The following EBF3 variants were observed in gnomAD, a reference collection of about 807,000 sequenced individuals.
The protein encoded by EBF3 is transcription factor COE3.
EBF3 carries 18 observed loss-of-function variants against 77.1 expected under a neutral mutation model. That is an observed-to-expected ratio of 0.23 (90% CI 0.16 to 0.35). The LOEUF (loss-of-function observed/expected upper bound fraction) is 0.35. Among genes scored for constraint, EBF3 ranks in the 10% least tolerant of loss-of-function variants. EBF3 has a pLI of 1.00. For synonymous variants in EBF3, 350 were observed against 343.5 expected, an observed-to-expected ratio of 1.02 and a Z score of -0.21; for missense variants, 558 against 860.0, an observed-to-expected ratio of 0.65 and a Z score of 4.39.
chr10:129,911,482 C>T (rs1017960835), intron 6 of EBF3, among the ~76,000 whole-genome samples: 1 of 152,194 alleles, frequency 6.6e-6, no homozygotes, highest in Admixed American at 6.5e-5. Context: ...CCAATCACTT[C>T]CCTCTTCCAT....
intron 6 of EBF3, among the ~76,000 whole-genome samples, chr10:129,904,651 G>A (rs1251253000): frequency 6.6e-6 from 1 of 151,974 alleles, no homozygotes; most frequent in East Asian, 1.9e-4. Context: ...TGGATGGATG[G>A]ATGGATGGAG....
intron 4 of EBF3, among the ~76,000 whole-genome samples, chr10:129,959,225 G>A (rs934445987): frequency 2.7e-4 from 41 of 152,146 alleles, no homozygotes; most frequent in African/African-American, 7.9e-4. Flanking sequence ...CTCCTCCCCC[G>A]GGCGCCCGCC....
In EBF3 at chr10:129,873,553, G is replaced by A; in HGVS notation, c.680C>T (p.Ala227Val). ...GTGCACAAACATGTTGTCTGACACGGCCAGCACGTGGCCGTCCACGTTGAC... is the reference window on the plus strand; with the variant it reads ...GTGCACAAACATGTTGTCTGACACGACCAGCACGTGGCCGTCCACGTTGAC... The part of the protein sequence containing the change: ...TTVNVDGHVL[A>V]VSDNMFVHNN... Residue 227 changes from alanine (A) to valine (V), a missense_variant, in exon 8 of 17, where the codon GCC becomes GTC. This residue lies in a region of EBF3 where 112 missense variants were observed against 207.7 expected (regional missense o/e 0.54). Transcript: ENST00000440978. 6.3e-7 allele frequency: 1 copy of A among 1,581,654 alleles called. No individual in the cohort carries two copies. Among genetic ancestry groups the A allele is most frequent in the Non-Finnish European group, 8.6e-7 (1 of 1,161,274 alleles).
chr10:129,867,513 T>G (rs1468773168), intron 9 of EBF3, among the ~76,000 whole-genome samples: 1 of 152,344 alleles, frequency 6.6e-6, no homozygotes, highest in Middle Eastern at 3.4e-3. Context: ...TGCCACCATA[T>G]GTCTCCTTAA....
chr10:129,898,636 G>A, intron 6 of EBF3, among the ~76,000 whole-genome samples: 1 of 152,190 alleles, frequency 6.6e-6, no homozygotes, highest in South Asian at 2.1e-4. Flanking sequence ...TAAACTGTTG[G>A]GATGGGCACT....
Position 129,963,092 on chromosome 10 carries a change from T to TC in EBF3, c.292-88dup. On this transcript the variant is annotated intron_variant, in intron 2 of 16. Coordinates refer to ENST00000440978, the MANE Select transcript of EBF3 (RefSeq NM_001375380.1). The surrounding 1 kb of genome is among the most constrained non-coding windows in gnomAD (Gnocchi z 7.1). ...CGGTCCCCCTCCGCGACCGAGGCTC[T>TC]CGGCCTCACACATGGCAGGATTCCT... The TC allele has an allele frequency of 1.3e-6, 2 of 1,507,888 alleles. No homozygotes were observed. The highest frequency in any genetic ancestry group is 9.2e-7 in the Non-Finnish European group (1 of 1,084,226). The allele number at this position is 1,507,888 out of a possible 1,614,324, so 93.4% of individuals were successfully genotyped here. A position where few individuals can be genotyped will look rare whatever the true frequency, so the allele number is the denominator to read the frequency against.
rs374982388 is a variant in EBF3, at chr10:129,867,771, C to T, written c.912+11G>A. The T allele has an allele frequency of 3.2e-4, 512 of 1,603,516 alleles. 1 individual carries two copies. The highest frequency in any genetic ancestry group is 4.1e-4 in the Non-Finnish European group (486 of 1,175,154). On this transcript the variant is annotated intron_variant, in intron 9 of 16. Transcript: ENST00000440978. The stretch of plus-strand genomic sequence containing the variant: ...GCAACAGCGCGAAGCTGACCGAGTC[C>T]GCGGGCTTACCTCGCTCCACACCAA...
At chr10:129,936,781 G>A (rs1010707525) in intron 6 of EBF3, among the ~76,000 whole-genome samples, 1 of 151,812 alleles carries the variant, frequency 6.6e-6, no homozygotes, top group Non-Finnish European at 1.5e-5. Flanking sequence ...GCTGTGGGGG[G>A]ACCCTCAGCT....
chr10:129,840,172 G>GCCCCCCCCCCCCC, intron 15 of EBF3, 73 bp downstream of exon 15: 17 of 1,456,152 alleles, frequency 1.2e-5, no homozygotes, highest in African/African-American at 2.9e-5. Flanking sequence ...GAAAGGCCGA[G>GCCCCCCCCCCCCC]CCCCCACCCC....
intron 11 of EBF3, among the ~76,000 whole-genome samples, chr10:129,844,416 A>ACAT (rs1428387092): frequency 6.6e-6 from 1 of 152,150 alleles, no homozygotes; most frequent in East Asian, 1.9e-4. Flanking sequence ...CTGCAGATTC[A>ACAT]CATAAGCAGA....
intron 6 of EBF3, among the ~76,000 whole-genome samples, chr10:129,903,228 G>A (rs571617720): frequency 2.1e-4 from 32 of 152,288 alleles, no homozygotes; most frequent in African/African-American, 7.5e-4. Context: ...ATACGGTTCA[G>A]TCTAATATTT....
At chr10:129,918,538 T>A (rs922903677) in intron 6 of EBF3, among the ~76,000 whole-genome samples, 1 of 152,192 alleles carries the variant, frequency 6.6e-6, no homozygotes, top group African/African-American at 2.4e-5. Context: ...TCCCTCAGCA[T>A]CACCAGGCCT....
chr10:129,962,713 TG>T (rs1219002362), intron 3 of EBF3, among the ~76,000 whole-genome samples: 1 of 152,244 alleles, frequency 6.6e-6, no homozygotes, highest in Non-Finnish European at 1.5e-5. Flanking sequence ...GATGTTCTGC[TG>T]GAGCCCGTAT....
At chr10:129,908,124 T>TA (rs962604549) in intron 6 of EBF3, among the ~76,000 whole-genome samples, 1 of 152,176 alleles carries the variant, frequency 6.6e-6, no homozygotes, top group Non-Finnish European at 1.5e-5. Context: ...CCGTCTTGCT[T>TA]AATAGACAGG....
At chr10:129,878,350 G>A (rs1564849283) in intron 6 of EBF3, among the ~76,000 whole-genome samples, 1 of 152,248 alleles carries the variant, frequency 6.6e-6, no homozygotes, top group East Asian at 1.9e-4. Context: ...AATTCCAGAG[G>A]CTACCACTGC....
intron 6 of EBF3, among the ~76,000 whole-genome samples, chr10:129,921,191 T>C (rs753851086): frequency 2.0e-5 from 3 of 151,422 alleles, no homozygotes; most frequent in Admixed American, 1.3e-4. Context: ...AGGAAGAATG[T>C]GCTGGATCGC....
intron 6 of EBF3, among the ~76,000 whole-genome samples, chr10:129,909,936 A>T (rs1855404970): frequency 6.6e-6 from 1 of 152,224 alleles, no homozygotes; most frequent in Non-Finnish European, 1.5e-5. Flanking sequence ...TCACAAAGTT[A>T]ATGGGGGATT....
intron 10 of EBF3, among the ~76,000 whole-genome samples, chr10:129,857,781 AC>A (rs1339567889): frequency 2.0e-5 from 3 of 151,216 alleles, no homozygotes; most frequent in Admixed American, 6.6e-5. Flanking sequence ...CCCACCTGAT[AC>A]CCCCACCATG....
intron 6 of EBF3, among the ~76,000 whole-genome samples, chr10:129,888,375 G>C (rs1233220923): frequency 2.0e-5 from 3 of 152,226 alleles, no homozygotes; most frequent in Non-Finnish European, 4.4e-5. Flanking sequence ...GATTTAAAGA[G>C]GTCGTTAAAG....
Sources: gnomAD v4.1 joint callset for allele counts (sites outside exome capture counted in the v4.1 genomes callset) on GRCh38, gnomAD v4.1.1 for gene constraint, gnomAD v4.1.1 regional missense constraint, Gnocchi (gnomAD v3.1) non-coding constraint, MANE v1.5 for transcripts, NCBI Gene and HGNC (gene_info 2026-07-23, HGNC 2026-07-21) for gene names.